BRIP1: variants seen among roughly 807,000 people sequenced by gnomAD.
The protein encoded by BRIP1 is Fanconi anemia group J protein.
Under a neutral mutation model 119.7 loss-of-function variants are expected in BRIP1, and 88 were observed. That is an observed-to-expected ratio of 0.74 (90% confidence interval 0.62 to 0.88). The LOEUF is 0.88. Ranked by LOEUF, BRIP1 falls within the 40% of genes least tolerant of loss-of-function variation. The pLI, the probability that BRIP1 is intolerant of heterozygous loss-of-function variation, is 0.00. For missense variants in BRIP1, 1,259 were observed against 1,455.4 expected (o/e 0.87, Z 2.20); for synonymous variants, 443 against 496.5 (o/e 0.89, Z 1.43).
chr17:61,721,641 T>C (rs957949042), intron 16 of BRIP1, among the ~76,000 whole-genome samples: 2 of 149,820 alleles, frequency 1.3e-5, no homozygotes, highest in Admixed American at 6.7e-5. Context: ...ATTTCTAAAA[T>C]GAAACTTTAC....
chr17:61,850,355 C>T (rs1603363203), intron 4 of BRIP1, among the ~76,000 whole-genome samples: 1 of 151,916 alleles, frequency 6.6e-6, no homozygotes, highest in Admixed American at 6.6e-5. Context: ...ACCCGCCTAG[C>T]CTCCCAAAGT....
At position 61,745,772 on chromosome 17, in the gene BRIP1, CAT is replaced by C. The variant is rs933641257; in HGVS notation, c.2098-1183_2098-1182del. ...TAAGAAAAGCACTCACAATTCGAAA[CAT>C]GTGGCATACAGCAATGGCAATACAT... On this transcript the variant is annotated intron_variant, in intron 14 of 19. Transcript: ENST00000259008. This position sits in a 1 kb window ranked among gnomAD's most constrained non-coding sequence, Gnocchi z 4.4. 8.5e-4 allele frequency among the ~76,000 whole-genome samples: 130 copies of C among 152,170 alleles called. No individual in the cohort carries two copies. Among genetic ancestry groups the C allele is most frequent in the African/African-American group, 3.0e-3 (126 of 41,520 alleles).
rs542426112 is a variant in BRIP1, at chr17:61,798,498, G to A, written c.1340+602C>T. Among the ~76,000 whole-genome samples, 1 of 151,934 alleles carries A rather than the reference G, an allele frequency of 6.6e-6. No individual in the cohort carries two copies. The highest frequency in any genetic ancestry group is 2.4e-5 in the African/African-American group (1 of 41,384). ...TTTTGTCTTCAAACCATGTGACTGTGTAACATTCAAATTTTTTTAAAGTGT... is the reference window on the plus strand; with the variant it reads ...TTTTGTCTTCAAACCATGTGACTGTATAACATTCAAATTTTTTTAAAGTGT... On this transcript the variant is annotated intron_variant, in intron 9 of 19. Coordinates refer to ENST00000259008, the MANE Select transcript of BRIP1 (RefSeq NM_032043.3). The surrounding 1 kb of genome is among the most constrained non-coding windows in gnomAD (Gnocchi z 5.5).
At chr17:61,790,403 A>AGGTGT (rs1405680302) in intron 10 of BRIP1, among the ~76,000 whole-genome samples, 1 of 151,962 alleles carries the variant, frequency 6.6e-6, no homozygotes, top group African/African-American at 2.4e-5. Context: ...AAAATTAGCC[A>AGGTGT]GGTGTGGTGG....
At position 61,810,075 on chromosome 17, in the gene BRIP1, C is replaced by T. The variant is rs1333714387; in HGVS notation, c.628-1318G>A. On this transcript the variant is annotated intron_variant, in intron 6 of 19. Coordinates refer to ENST00000259008, the MANE Select transcript of BRIP1 (RefSeq NM_032043.3). The surrounding 1 kb of genome is among the most constrained non-coding windows in gnomAD (Gnocchi z 4.7). ...AAGGTTCACTGATGTGCCAAATAAA[C>T]AGTCAGTCAAAGCAGATAAAGTTAC... is the stretch of plus-strand genomic sequence containing the variant. 6.6e-6 allele frequency among the ~76,000 whole-genome samples: 1 copy of T among 152,188 alleles called. No individual in the cohort carries two copies. Among genetic ancestry groups the T allele is most frequent in the African/African-American group, 2.4e-5 (1 of 41,454 alleles).
rs757326220 is a variant in BRIP1 at position 61,726,142 on chromosome 17, T to C, written c.2380-10079A>G. The stretch of plus-strand genomic sequence containing the variant: ...GCCTTGAGACTTAGGTTGTTTGACC[T>C]TGGACAAGTCACAGTAGCCCTTTAT... On this transcript the variant is annotated intron_variant, in intron 16 of 19. Coordinates refer to ENST00000259008, the MANE Select transcript of BRIP1 (RefSeq NM_032043.3). This position sits in a 1 kb window ranked among gnomAD's most constrained non-coding sequence, Gnocchi z 6.2. 3.3e-5 allele frequency among the ~76,000 whole-genome samples: 5 copies of C among 152,224 alleles called. No homozygotes were observed. The highest frequency in any genetic ancestry group is 7.3e-5 in the Non-Finnish European group (5 of 68,028).
chr17:61,717,847 CT>C lies in BRIP1; in HGVS notation c.2380-1785del, dbSNP rs1238934285. ...TATTACTCCACATGTCACTGACCCT[CT>C]TTTTTTTCACTCTACACTTCATTTT... is the stretch of plus-strand genomic sequence containing the variant. On this transcript the variant is annotated intron_variant, in intron 16 of 19. Transcript: ENST00000259008. This position sits in a 1 kb window ranked among gnomAD's most constrained non-coding sequence, Gnocchi z 4.1. Among the ~76,000 whole-genome samples, 1 of 151,788 alleles carries C rather than the reference CT, an allele frequency of 6.6e-6. No homozygotes were observed. Among genetic ancestry groups the C allele is most frequent in the African/African-American group, 2.4e-5 (1 of 41,354 alleles).
rs2061259850 is a variant in BRIP1, at chr17:61,680,756, G to A, written c.*2540C>T. Among the ~76,000 whole-genome samples, 2 of 152,158 alleles carry A rather than the reference G, an allele frequency of 1.3e-5. No homozygotes were observed. Among genetic ancestry groups the A allele is most frequent in the Non-Finnish European group, 2.9e-5 (2 of 68,034 alleles). On this transcript the variant is annotated 3_prime_UTR_variant, in exon 20 of 20. Transcript: ENST00000259008. Reference sequence around the variant, plus strand: ...GGCCTCCCAAAGTGCTGGGATTACAGGCGTGAGCCACCGCGCCTGGCCCTA... The same window carrying A: ...GGCCTCCCAAAGTGCTGGGATTACAAGCGTGAGCCACCGCGCCTGGCCCTA...
At chr17:61,692,569 A>G (rs2061463669) in intron 18 of BRIP1, among the ~76,000 whole-genome samples, 1 of 152,206 alleles carries the variant, frequency 6.6e-6, no homozygotes, top group African/African-American at 2.4e-5. Context: ...TGTTTCTCCA[A>G]AGAAGACATA....
Position 61,717,411 on chromosome 17 carries a change from A to G in BRIP1, c.2380-1348T>C, listed in dbSNP as rs1466476735. 4.6e-5 allele frequency among the ~76,000 whole-genome samples: 7 copies of G among 152,080 alleles called. No homozygotes were observed. Among genetic ancestry groups the G allele is most frequent in the African/African-American group, 1.7e-4 (7 of 41,432 alleles). On this transcript the variant is annotated intron_variant, in intron 16 of 19. Coordinates refer to ENST00000259008, the MANE Select transcript of BRIP1 (RefSeq NM_032043.3). This position sits in a 1 kb window ranked among gnomAD's most constrained non-coding sequence, Gnocchi z 4.1. ...CTGAAGAACTTTCTTTAATATTAGTAGTGCACGTTTGCTAGCAATGAGTTC... is the reference window on the plus strand; with the variant it reads ...CTGAAGAACTTTCTTTAATATTAGTGGTGCACGTTTGCTAGCAATGAGTTC...
In BRIP1 at chr17:61,703,321, C is replaced by G. The variant is rs1232362460; in HGVS notation, c.2493-9809G>C. On this transcript the variant is annotated intron_variant, in intron 17 of 19. Coordinates refer to ENST00000259008, the MANE Select transcript of BRIP1 (RefSeq NM_032043.3). The surrounding 1 kb of genome is among the most constrained non-coding windows in gnomAD (Gnocchi z 5.0). ...TCAAGTGACCTGCCCGCCTTGACCT[C>G]CCAGTGCTGAGATTATAGGCGTGAG... 6.6e-6 allele frequency among the ~76,000 whole-genome samples: 1 copy of G among 152,186 alleles called. No individual in the cohort carries two copies. Among genetic ancestry groups the G allele is most frequent in the Non-Finnish European group, 1.5e-5 (1 of 68,030 alleles).
At chr17:61,837,014 C>A (rs2145665144) in intron 6 of BRIP1, among the ~76,000 whole-genome samples, 1 of 152,264 alleles carries the variant, frequency 6.6e-6, no homozygotes, top group South Asian at 2.1e-4. Context: ...GCTCAGTTTC[C>A]TCAGCTATAA....
chr17:61,703,744 T>C lies in BRIP1; in HGVS notation c.2493-10232A>G, dbSNP rs2061651281. Reference sequence around the variant, plus strand: ...GTCCAGAATGATATTTCCTAGGTTTTCTTCAAGGGTTTTTAGTTTAAGGTT... The same window carrying C: ...GTCCAGAATGATATTTCCTAGGTTTCCTTCAAGGGTTTTTAGTTTAAGGTT... On this transcript the variant is annotated intron_variant, in intron 17 of 19. Transcript: ENST00000259008. This position sits in a 1 kb window ranked among gnomAD's most constrained non-coding sequence, Gnocchi z 5.0. 6.6e-6 allele frequency among the ~76,000 whole-genome samples: 1 copy of C among 152,222 alleles called. No individual in the cohort carries two copies. Among genetic ancestry groups the C allele is most frequent in the Admixed American group, 6.5e-5 (1 of 15,276 alleles).
In BRIP1 at chr17:61,798,547, G is replaced by A. The variant is rs1358569675; in HGVS notation, c.1340+553C>T. On this transcript the variant is annotated intron_variant, in intron 9 of 19. Transcript: ENST00000259008. The surrounding 1 kb of genome is among the most constrained non-coding windows in gnomAD (Gnocchi z 5.5). Reference sequence around the variant, plus strand: ...GTAAATGTGAAGGAAACAGAAAAATGCTACAATAAATGAAATGGGATTCAG... The same window carrying A: ...GTAAATGTGAAGGAAACAGAAAAATACTACAATAAATGAAATGGGATTCAG... Among the ~76,000 whole-genome samples the A allele has an allele frequency of 6.6e-6, 1 of 151,916 alleles. No individual in the cohort carries two copies. The highest frequency in any genetic ancestry group is 1.5e-5 in the Non-Finnish European group (1 of 67,882).
chr17:61,695,251 C>A lies in BRIP1; in HGVS notation c.2493-1739G>T, dbSNP rs1385939509. On this transcript the variant is annotated intron_variant, in intron 17 of 19. Transcript: ENST00000259008. This position sits in a 1 kb window ranked among gnomAD's most constrained non-coding sequence, Gnocchi z 4.3. Reference sequence around the variant, plus strand: ...AACACCATCTGTTGAAAAGACTATTCTTTCTTTGAGTTGTCTTGGCACTCT... The same window carrying A: ...AACACCATCTGTTGAAAAGACTATTATTTCTTTGAGTTGTCTTGGCACTCT... 6.6e-6 allele frequency among the ~76,000 whole-genome samples: 1 copy of A among 152,032 alleles called. No individual in the cohort carries two copies. Among genetic ancestry groups the A allele is most frequent in the African/African-American group, 2.4e-5 (1 of 41,422 alleles).
chr17:61,788,051 C>T (rs539241908), intron 10 of BRIP1, among the ~76,000 whole-genome samples: 1 of 152,000 alleles, frequency 6.6e-6, no homozygotes, highest in African/African-American at 2.4e-5. Context: ...AAGAAAGAAA[C>T]CGGTCATTAT....
intron 11 of BRIP1, 40 bp from the exon 12 acceptor site, chr17:61,781,045 T>A (rs1467653904): frequency 6.3e-7 from 1 of 1,599,150 alleles, no homozygotes; most frequent in Non-Finnish European, 8.6e-7. Context: ...GCAAAACTTT[T>A]AAAACCTATG....
chr17:61,826,497 T>C (rs745853436), intron 6 of BRIP1, among the ~76,000 whole-genome samples: 6 of 152,066 alleles, frequency 3.9e-5, no homozygotes, highest in Non-Finnish European at 5.9e-5. Context: ...AAACTATGCA[T>C]CTGACAAAGG....
At chr17:61,787,634 T>C (rs1371616082) in intron 10 of BRIP1, among the ~76,000 whole-genome samples, 1 of 151,148 alleles carries the variant, frequency 6.6e-6, no homozygotes, top group African/African-American at 2.4e-5. Flanking sequence ...TGTCTTTTTC[T>C]TTTTTTTATT....
Sources: gnomAD v4.1 joint callset for allele counts (sites outside exome capture counted in the v4.1 genomes callset) on GRCh38, gnomAD v4.1.1 for gene constraint, Gnocchi (gnomAD v3.1) non-coding constraint, MANE v1.5 for transcripts, NCBI Gene and HGNC (gene_info 2026-07-23, HGNC 2026-07-21) for gene names.